SPINK13: variants seen among roughly 807,000 people sequenced by gnomAD.
SPINK13 encodes the protein serine peptidase inhibitor Kazal type 13.
Under a neutral mutation model 11.0 loss-of-function variants are expected in SPINK13, and 11 were observed. The ratio of observed to expected loss-of-function variants is 1.00; its 90% CI spans 0.63 to 1.65. The LOEUF (loss-of-function observed/expected upper bound fraction) is 1.65. Among genes scored for constraint, SPINK13 ranks in the 40% most tolerant of loss-of-function variants. The probability of loss-of-function intolerance (pLI) is 0.00; values close to 1 mark genes in which losing one functional copy is unlikely to be tolerated. For synonymous variants in SPINK13, 31 were observed against 35.6 expected, an observed-to-expected ratio of 0.87 and a Z score of 0.46; for missense variants, 113 against 117.7, an observed-to-expected ratio of 0.96 and a Z score of 0.19.
chr5:148,283,946 C>T (rs1756554229), intron 4 of SPINK13, among the ~76,000 whole-genome samples: 1 of 152,160 alleles, frequency 6.6e-6, no homozygotes, highest in African/African-American at 2.4e-5. Flanking sequence ...TTCACAACTT[C>T]CCACAAAGAT....
rs768776015 is a variant in SPINK13, at chr5:148,285,990, T to C, written c.237-10T>C. The stretch of plus-strand genomic sequence containing the variant: ...ATGATACTAATCTTCTTTTTTTCTC[T>C]TCTCTTTAGGGAATTTCATTATCGT... On this transcript the variant is annotated splice_polypyrimidine_tract_variant and intron_variant, in intron 4 of 4. Transcript: ENST00000398450. 4 of 1,413,594 alleles carry C rather than the reference T, an allele frequency of 2.8e-6. No individual in the cohort carries two copies. Among genetic ancestry groups the C allele is most frequent in the East Asian group, 4.9e-5 (2 of 40,424 alleles). The allele number at this position is 1,413,594 out of a possible 1,614,324, so 87.6% of individuals were successfully genotyped here.
chr5:148,271,198 C>T (rs1756345080), intron 2 of SPINK13, among the ~76,000 whole-genome samples: 1 of 152,148 alleles, frequency 6.6e-6, no homozygotes, highest in Non-Finnish European at 1.5e-5. Flanking sequence ...AAAAATGTAG[C>T]TATTATCAAT....
At chr5:148,284,380 T>A (rs1756561713) in intron 4 of SPINK13, among the ~76,000 whole-genome samples, 2 of 152,120 alleles carry the variant, frequency 1.3e-5, no homozygotes, top group African/African-American at 4.8e-5. Flanking sequence ...AGAGATGTAC[T>A]GTGACCACTC....
intron 3 of SPINK13, among the ~76,000 whole-genome samples, chr5:148,275,059 T>C (rs1219925208): frequency 2.0e-5 from 3 of 152,164 alleles, no homozygotes; most frequent in Non-Finnish European, 4.4e-5. Flanking sequence ...TAGGTATACA[T>C]GTGCCATGGT....
At chr5:148,280,474 G>A (rs1009776086) in intron 3 of SPINK13, among the ~76,000 whole-genome samples, 2 of 152,040 alleles carry the variant, frequency 1.3e-5, no homozygotes, top group African/African-American at 2.4e-5. Flanking sequence ...GTTTTTGCGT[G>A]GTCATCCTTT....
chr5:148,270,004 G>T lies in SPINK13; in HGVS notation c.-33-36G>T. The T allele has an allele frequency of 3.4e-6, 5 of 1,469,586 alleles. No individual in the cohort carries two copies. The Admixed American group carries it at 6.7e-5, about 20-fold the overall frequency. 91.0% of individuals were successfully genotyped at this position (1,469,586 alleles called of 1,614,324 possible). ...CTCTCACATTGGAAAAGCTAGCTGT[G>T]GGGGAAACTAAAAACAATCTTGGGC... On this transcript the variant is annotated intron_variant, in intron 1 of 4. Transcript: ENST00000398450.
intron 1 of SPINK13, 36 bp from the exon 2 acceptor site, chr5:148,270,004 G>A (rs1581162893): frequency 2.0e-6 from 3 of 1,469,586 alleles, no homozygotes; most frequent in East Asian, 2.3e-5. Context: ...AGCTAGCTGT[G>A]GGGGAAACTA....
At chr5:148,273,014 C>T (rs982714230) in intron 2 of SPINK13, among the ~76,000 whole-genome samples, 3 of 152,152 alleles carry the variant, frequency 2.0e-5, no homozygotes, top group African/African-American at 7.2e-5. Context: ...TAATCTGATA[C>T]GTGATAAATG....
chr5:148,271,679 T>C (rs1756352779), intron 2 of SPINK13, among the ~76,000 whole-genome samples: 1 of 152,206 alleles, frequency 6.6e-6, no homozygotes, highest in Admixed American at 6.5e-5. Flanking sequence ...AGTCTCACTC[T>C]GTCGCCCAGG....
chr5:148,269,946 T>C lies in SPINK13; in HGVS notation c.-33-94T>C, dbSNP rs56306866. 9.7e-3 allele frequency: 8,239 copies of C among 848,106 alleles called. 440 individuals are homozygous for C. The African/African-American group carries it at 0.12, about 12-fold the overall frequency. 52.5% of individuals were successfully genotyped at this position (848,106 alleles called of 1,614,324 possible). A position where few individuals can be genotyped will look rare whatever the true frequency, so the allele number is the denominator to read the frequency against. ...TCAGTATAAATCACCAGGGCAAGTG[T>C]ACAGGAATGGTATCACCTTAGGGTA... On this transcript the variant is annotated intron_variant, in intron 1 of 4. Transcript: ENST00000398450.
intron 3 of SPINK13, among the ~76,000 whole-genome samples, chr5:148,276,196 C>T (rs747708820): frequency 6.6e-6 from 1 of 151,920 alleles, no homozygotes; most frequent in African/African-American, 2.4e-5. Context: ...AGATATTAGC[C>T]GTTTGTCAGA....
intron 4 of SPINK13, among the ~76,000 whole-genome samples, chr5:148,284,680 C>T (rs1040029430): frequency 6.6e-6 from 1 of 152,128 alleles, no homozygotes; most frequent in Admixed American, 6.5e-5. Flanking sequence ...AAGGGTAATT[C>T]CTTGGTCTCT....
At chr5:148,281,747 T>C (rs559918678) in intron 3 of SPINK13, among the ~76,000 whole-genome samples, 25 of 148,698 alleles carry the variant, frequency 1.7e-4, no homozygotes, top group Admixed American at 1.3e-3. Flanking sequence ...TTGCCTGCAG[T>C]TTTAATAAGT....
At chr5:148,279,355 T>C (rs542246673) in intron 3 of SPINK13, among the ~76,000 whole-genome samples, 25 of 152,282 alleles carry the variant, frequency 1.6e-4, no homozygotes, top group African/African-American at 5.1e-4. Flanking sequence ...CATTAGTTGA[T>C]GCAGTTTCTT....
intron 3 of SPINK13, among the ~76,000 whole-genome samples, chr5:148,279,060 G>GT (rs1488400291): frequency 1.1e-5 from 1 of 90,352 alleles, no homozygotes. Context: ...TTTAAAGTCT[G>GT]TTTTATCAGA....
chr5:148,270,107 T>C lies in SPINK13; in HGVS notation c.35T>C (p.Leu12Pro), dbSNP rs1353101079. ...TTTCCCCACAAGATTATATTTTTCC[T>C]GGTATGCTCTACTTTGACACATGTG... ...AAFPHKIIFF[L>P]VCSTLTHVAF... is the part of the protein sequence containing the mutation. The change falls in exon 2 of 5, where the codon CTG becomes CCG. Residue 12 changes from leucine to proline, a missense_variant. Physicochemically the swap from Leu to Pro is moderately conservative, Grantham distance 98. Transcript: ENST00000398450. 2 of 1,614,132 alleles carry C rather than the reference T, an allele frequency of 1.2e-6. No individual in the cohort carries two copies. The highest frequency in any genetic ancestry group is 1.7e-5 in the Admixed American group (1 of 60,024).
At chr5:148,279,922 T>C (rs1413948822) in intron 3 of SPINK13, among the ~76,000 whole-genome samples, 2 of 152,222 alleles carry the variant, frequency 1.3e-5, no homozygotes, top group African/African-American at 4.8e-5. Context: ...AGTATACCAG[T>C]AAAATGTAGG....
rs1046991329 is a variant in SPINK13 at position 148,286,135 on chromosome 5, A to G, written c.*87A>G. 4.6e-6 allele frequency: 4 copies of G among 864,466 alleles called. No individual in the cohort carries two copies. Among genetic ancestry groups the G allele is most frequent in the African/African-American group, 1.8e-5 (1 of 55,836 alleles). 53.5% of individuals were successfully genotyped at this position (864,466 alleles called of 1,614,324 possible). Reference sequence around the variant, plus strand: ...TTTAGAGTGTGAGAATGTAAATTAAATAACATCCCTATGCTGTACTTAAAT... The same window carrying G: ...TTTAGAGTGTGAGAATGTAAATTAAGTAACATCCCTATGCTGTACTTAAAT... On this transcript the variant is annotated 3_prime_UTR_variant, in exon 5 of 5. Transcript: ENST00000398450.
intron 2 of SPINK13, among the ~76,000 whole-genome samples, chr5:148,272,235 G>T (rs1445146608): frequency 6.6e-6 from 1 of 152,006 alleles, no homozygotes; most frequent in African/African-American, 2.4e-5. Flanking sequence ...GTATATATCT[G>T]GAGTATATAG....
Sources: allele counts gnomAD v4.1 joint callset (sites outside exome capture counted in the v4.1 genomes callset), GRCh38; gene constraint gnomAD v4.1.1; transcripts MANE v1.5; gene names NCBI Gene and HGNC (gene_info 2026-07-23, HGNC 2026-07-21).